The following SLC22A16 variants were observed in gnomAD, a reference collection of about 807,000 sequenced individuals.
SLC22A16 encodes the protein solute carrier family 22 member 16.
A neutral mutation model predicts 52.9 loss-of-function variants in SLC22A16; 53 were observed. The observed-to-expected ratio is 1.00, with a 90% CI of 0.80 to 1.26. SLC22A16 has a LOEUF of 1.26. Ranked by LOEUF, SLC22A16 falls within the 50% of genes most tolerant of loss-of-function variation. The pLI, the probability that SLC22A16 is intolerant of heterozygous loss-of-function variation, is 0.00. For synonymous variants in SLC22A16, 291 were observed against 268.8 expected, an observed-to-expected ratio of 1.08 and a Z score of -0.81; for missense variants, 726 against 704.0, an observed-to-expected ratio of 1.03 and a Z score of -0.35.
At chr6:110,448,004 G>T (rs994174361) in intron 2 of SLC22A16, among the ~76,000 whole-genome samples, 1 of 152,138 alleles carries the variant, frequency 6.6e-6, no homozygotes, top group Non-Finnish European at 1.5e-5. Flanking sequence ...ATTCTCTTGG[G>T]TATATACCTA....
In SLC22A16 at chr6:110,456,893, G is replaced by C; in HGVS notation, c.178C>G (p.Gln60Glu). Residue 60 changes from glutamine to glutamate, a missense_variant, in exon 2 of 8, where the codon CAG becomes GAG. Coordinates refer to ENST00000368919, the MANE Select transcript of SLC22A16 (RefSeq NM_033125.4). ...HVCRPPGNVS[Q>E]VVFHNHSNWS... ...TTAGAGTGATTATGGAAAACAACCT[G>C]ACTCACATTGCCTGGGGGCCTGCAG... 6.2e-7 allele frequency: 1 copy of C among 1,614,042 alleles called. No individual in the cohort carries two copies. The highest frequency in any genetic ancestry group is 8.5e-7 in the Non-Finnish European group (1 of 1,179,956).
chr6:110,445,508 T>C (rs78720184), intron 3 of SLC22A16, among the ~76,000 whole-genome samples: 2,044 of 152,266 alleles, frequency 0.013, 37 homozygotes, highest in African/African-American at 0.047. Context: ...GATCAATAAA[T>C]GTGTTGAGTA....
chr6:110,444,537 G>C (rs1260785936), intron 3 of SLC22A16, among the ~76,000 whole-genome samples: 1 of 152,218 alleles, frequency 6.6e-6, no homozygotes, highest in African/African-American at 2.4e-5. Context: ...GATTCAGGCA[G>C]TGTTCCCCTG....
In SLC22A16 at chr6:110,442,207, C is replaced by A. The variant is rs141992035; in HGVS notation, c.1183+37G>T. On this transcript the variant is annotated intron_variant, in intron 4 of 7. Transcript: ENST00000368919. ...ACACACACAAATGGTAGAAATCTCA[C>A]TTCACTGCCAAATTTAAATATACTG... is the stretch of plus-strand genomic sequence containing the variant. The A allele has an allele frequency of 6.5e-4, 1,026 of 1,581,600 alleles. 7 individuals carry two copies. In the African/African-American group the frequency reaches 0.012, roughly 19 times the overall value.
chr6:110,447,097 C>T lies in SLC22A16; in HGVS notation c.534-107G>A, dbSNP rs541211702. The stretch of plus-strand genomic sequence containing the variant: ...GGCATTACCTATATACCTTGAATAG[C>T]TTATGTATTGATTGTTTTTCTTTTA... On this transcript the variant is annotated intron_variant, in intron 2 of 7. Coordinates refer to ENST00000368919, the MANE Select transcript of SLC22A16 (RefSeq NM_033125.4). 83 of 796,288 alleles carry T rather than the reference C, an allele frequency of 1.0e-4. No homozygotes were observed. In the African/African-American group the frequency reaches 1.3e-3, roughly 13 times the overall value. 49.3% of individuals were successfully genotyped at this position (796,288 alleles called of 1,614,324 possible).
chr6:110,452,524 G>C (rs902762468), intron 2 of SLC22A16, among the ~76,000 whole-genome samples: 3 of 152,024 alleles, frequency 2.0e-5, no homozygotes, highest in African/African-American at 7.3e-5. Context: ...AATCTCAAAG[G>C]AAAAGCTTTT....
chr6:110,430,895 G>C (rs1218844211), intron 7 of SLC22A16, among the ~76,000 whole-genome samples: 1 of 152,318 alleles, frequency 6.6e-6, no homozygotes, highest in East Asian at 1.9e-4. Context: ...CCTTCCCCAG[G>C]CCTGGCTTCC....
intron 1 of SLC22A16, among the ~76,000 whole-genome samples, chr6:110,462,041 A>C (rs890128441): frequency 1.3e-5 from 2 of 152,208 alleles, no homozygotes; most frequent in African/African-American, 4.8e-5. Flanking sequence ...CATGGATGGC[A>C]ACAGGCAAAG....
intron 7 of SLC22A16, among the ~76,000 whole-genome samples, chr6:110,427,415 A>G (rs751865678): frequency 6.6e-6 from 1 of 152,106 alleles, no homozygotes; most frequent in Non-Finnish European, 1.5e-5. Flanking sequence ...TTTCTGTAAA[A>G]TGGATGAAAG....
intron 1 of SLC22A16, among the ~76,000 whole-genome samples, chr6:110,470,925 G>T (rs1776239439): frequency 6.6e-6 from 1 of 152,118 alleles, no homozygotes; most frequent in South Asian, 2.1e-4. Context: ...CAAAATACTG[G>T]ACAATTGTTG....
rs1279858223 is a variant in SLC22A16 at position 110,450,488 on chromosome 6, T to C, written c.534-3498A>G. Among the ~76,000 whole-genome samples the C allele has an allele frequency of 8.5e-5, 13 of 152,054 alleles. 1 individual carries two copies. The South Asian group carries it at 2.7e-3, about 32-fold the overall frequency. ...TTAGCCAGGCATGGCGGCACATGCC[T>C]GTAGTCCCAGCTACTCGGGAGGCTG... On this transcript the variant is annotated intron_variant, in intron 2 of 7. Coordinates refer to ENST00000368919, the MANE Select transcript of SLC22A16 (RefSeq NM_033125.4).
chr6:110,467,200 T>A (rs1401264846), intron 1 of SLC22A16, among the ~76,000 whole-genome samples: 1 of 152,014 alleles, frequency 6.6e-6, no homozygotes, highest in Non-Finnish European at 1.5e-5. Flanking sequence ...TTTTTTTCCC[T>A]CCAACCTAAA....
intron 7 of SLC22A16, among the ~76,000 whole-genome samples, chr6:110,429,751 G>T (rs2114884581): frequency 6.6e-6 from 1 of 152,268 alleles, no homozygotes; most frequent in Admixed American, 6.5e-5. Context: ...CCCACTAAAT[G>T]CTGTACAGAC....
chr6:110,431,025 C>T lies in SLC22A16; in HGVS notation c.1521+146G>A, dbSNP rs1774477582. ...GCCACCACCCTACTCACCAACTGGC[C>T]AGCTGTTGGTAATGGGGTTGTTTCT... On this transcript the variant is annotated intron_variant, in intron 7 of 7. Coordinates refer to ENST00000368919, the MANE Select transcript of SLC22A16 (RefSeq NM_033125.4). 3.5e-5 allele frequency: 22 copies of T among 637,170 alleles called. No individual in the cohort carries two copies. In the South Asian group the frequency reaches 3.6e-4, roughly 10 times the overall value. 39.5% of individuals were successfully genotyped at this position (637,170 alleles called of 1,614,324 possible). A position where few individuals can be genotyped will look rare whatever the true frequency, so the allele number is the denominator to read the frequency against.
At chr6:110,468,551 C>T (rs1291167597) in intron 1 of SLC22A16, among the ~76,000 whole-genome samples, 1 of 150,342 alleles carries the variant, frequency 6.7e-6, no homozygotes, top group Admixed American at 6.7e-5. Context: ...GAGGCTGAGA[C>T]AGGAGAATTG....
At chr6:110,458,000 T>C (rs1389535084) in intron 1 of SLC22A16, among the ~76,000 whole-genome samples, 1 of 152,204 alleles carries the variant, frequency 6.6e-6, no homozygotes, top group Non-Finnish European at 1.5e-5. Context: ...ACCATCTCCC[T>C]GTGATGCTGT....
chr6:110,425,640 A>G (rs1562273208), intron 7 of SLC22A16, among the ~76,000 whole-genome samples: 1 of 152,382 alleles, frequency 6.6e-6, no homozygotes, highest in African/African-American at 2.4e-5. Flanking sequence ...ACAAATTGCT[A>G]CTTTATGGGG....
chr6:110,466,213 T>C (rs1177026493), intron 1 of SLC22A16, among the ~76,000 whole-genome samples: 3 of 152,136 alleles, frequency 2.0e-5, no homozygotes, highest in Non-Finnish European at 4.4e-5. Flanking sequence ...AAAACTCTTC[T>C]GGACATTAGC....
rs201591965 is a variant in SLC22A16, at chr6:110,431,214, G to C, written c.1478C>G (p.Pro493Arg). The C allele has an allele frequency of 1.3e-5, 21 of 1,613,736 alleles. No homozygotes were observed. Among genetic ancestry groups the C allele is most frequent in the South Asian group, 3.3e-5 (3 of 91,060 alleles). ...MVCRLASILA[P>R]FSVDLSSIWI... Reference sequence around the variant, plus strand: ...AATGCTGCTGAGGTCCACAGAGAACGGCGCCAGGATGCTGGCCAGGCGACA... The same window carrying C: ...AATGCTGCTGAGGTCCACAGAGAACCGCGCCAGGATGCTGGCCAGGCGACA... The change falls in exon 7 of 8, where the codon CCG becomes CGG. Residue 493 changes from proline (P) to arginine (R), a missense_variant. Coordinates refer to ENST00000368919, the MANE Select transcript of SLC22A16 (RefSeq NM_033125.4).
Sources: gnomAD v4.1 joint callset for allele counts (sites outside exome capture counted in the v4.1 genomes callset) on GRCh38, gnomAD v4.1.1 for gene constraint, MANE v1.5 for transcripts, NCBI Gene and HGNC (gene_info 2026-07-23, HGNC 2026-07-21) for gene names.